DENND2A: variants seen among roughly 807,000 people sequenced by gnomAD.
DENND2A encodes DENN domain-containing protein 2A.
DENND2A carries 53 observed loss-of-function variants against 105.3 expected under a neutral mutation model. The ratio of observed to expected loss-of-function variants is 0.50; its 90% CI spans 0.40 to 0.63. The LOEUF is 0.63. Ranked by LOEUF, DENND2A falls within the 30% of genes least tolerant of loss-of-function variation. DENND2A has a pLI of 0.00. For synonymous variants in DENND2A, 522 were observed against 508.4 expected (o/e 1.03, Z -0.36); for missense variants, 1,138 against 1,279.6 (o/e 0.89, Z 1.69).
At chr7:140,529,949 A>G (rs1286632513) in intron 14 of DENND2A, among the ~76,000 whole-genome samples, 1 of 152,136 alleles carries the variant, frequency 6.6e-6, no homozygotes, top group Admixed American at 6.6e-5. Flanking sequence ...ATAATAAAAC[A>G]AAACAAAACA....
rs1383266176 is a variant in DENND2A at position 140,640,148 on chromosome 7, AGCGCGCACACACACACACGCGC to A, written c.-248+334_-248+355del. 2 of 150,680 alleles carry A rather than the reference AGCGCGCACACACACACACGCGC, an allele frequency of 1.3e-5. No individual in the cohort carries two copies. Among genetic ancestry groups the A allele is most frequent in the South Asian group, 2.1e-4 (1 of 4,812 alleles). The allele number at this position is 150,680 out of a possible 1,614,324, so 9.3% of individuals were successfully genotyped here. A position where few individuals can be genotyped will look rare whatever the true frequency, so the allele number is the denominator to read the frequency against. ...AGACACACTCACACACAGACACACA[AGCGCGCACACACACACACGCGC>A]GCGCGCGGACACACACACACTCACA... On this transcript the variant is annotated intron_variant, in intron 1 of 19. Coordinates refer to ENST00000496613, the MANE Select transcript of DENND2A (RefSeq NM_015689.5). The surrounding 1 kb of genome is among the most constrained non-coding windows in gnomAD (Gnocchi z 4.9).
At chr7:140,580,831 TTCA>T (rs1798511423) in intron 5 of DENND2A, among the ~76,000 whole-genome samples, 1 of 147,932 alleles carries the variant, frequency 6.8e-6, no homozygotes, top group Non-Finnish European at 1.5e-5. Context: ...GAGACGGGGT[TTCA>T]CCATGTTGGC....
At chr7:140,525,349 T>A (rs551398070) in intron 16 of DENND2A, among the ~76,000 whole-genome samples, 2 of 152,068 alleles carry the variant, frequency 1.3e-5, no homozygotes, top group East Asian at 3.9e-4. Flanking sequence ...GAGATGGGGT[T>A]TCACCATATT....
intron 1 of DENND2A, among the ~76,000 whole-genome samples, chr7:140,630,643 G>C (rs963750247): frequency 2.6e-5 from 4 of 151,998 alleles, no homozygotes; most frequent in South Asian, 4.2e-4. Flanking sequence ...TCAGGAGTTC[G>C]AGACCAAACT....
chr7:140,617,218 G>A lies in DENND2A; in HGVS notation c.-247-11412C>T, dbSNP rs183090111. Among the ~76,000 whole-genome samples the A allele has an allele frequency of 7.2e-5, 11 of 152,302 alleles. No individual in the cohort carries two copies. In the East Asian group the frequency reaches 1.2e-3, roughly 16 times the overall value. On this transcript the variant is annotated intron_variant, in intron 1 of 19. Transcript: ENST00000496613. Reference sequence around the variant, plus strand: ...TTTCAGAGCATCTTGGGAATCTGACGCAGGTGCTACCAGCACAAAGTGCGT... The same window carrying A: ...TTTCAGAGCATCTTGGGAATCTGACACAGGTGCTACCAGCACAAAGTGCGT...
chr7:140,565,499 T>G (rs1186205030), intron 9 of DENND2A, among the ~76,000 whole-genome samples: 1 of 152,166 alleles, frequency 6.6e-6, no homozygotes, highest in Non-Finnish European at 1.5e-5. Context: ...TAGAATATGG[T>G]GGAACCTCTT....
chr7:140,587,808 A>G (rs1196302837), intron 3 of DENND2A, 28 bp from the exon 4 acceptor site: 3 of 1,525,260 alleles, frequency 2.0e-6, no homozygotes, highest in African/African-American at 2.8e-5. Context: ...GGAGGAAAAA[A>G]CAAAGAATTT....
intron 14 of DENND2A, among the ~76,000 whole-genome samples, chr7:140,531,245 T>C (rs1381303562): frequency 6.6e-6 from 1 of 152,240 alleles, no homozygotes; most frequent in African/African-American, 2.4e-5. Context: ...AGGACTAATC[T>C]ATGTTGATGC....
At chr7:140,631,064 C>T (rs140334693) in intron 1 of DENND2A, among the ~76,000 whole-genome samples, 17 of 152,220 alleles carry the variant, frequency 1.1e-4, no homozygotes, top group Admixed American at 2.0e-4. Flanking sequence ...TTCATCACTG[C>T]ACCCATTTTA....
At chr7:140,568,994 G>A (rs1161296344) in intron 7 of DENND2A, among the ~76,000 whole-genome samples, 181 bp from the exon 8 acceptor site, 1 of 151,590 alleles carries the variant, frequency 6.6e-6, no homozygotes, top group Admixed American at 6.6e-5. Context: ...GCGCAATCTC[G>A]GCTCACTGCA....
chr7:140,583,236 G>A (rs1024070503), intron 5 of DENND2A, among the ~76,000 whole-genome samples: 2 of 152,038 alleles, frequency 1.3e-5, no homozygotes, highest in African/African-American at 2.4e-5. Context: ...GTGAACCCGG[G>A]AGGTGGAGCT....
At chr7:140,556,673 C>A (rs1012395401) in intron 11 of DENND2A, among the ~76,000 whole-genome samples, 1 of 152,170 alleles carries the variant, frequency 6.6e-6, no homozygotes, top group Non-Finnish European at 1.5e-5. Flanking sequence ...GTAATTTGAT[C>A]AACAAAATTA....
chr7:140,589,843 G>C (rs1036189858), intron 3 of DENND2A, among the ~76,000 whole-genome samples: 2 of 152,090 alleles, frequency 1.3e-5, no homozygotes, highest in African/African-American at 4.8e-5. Flanking sequence ...TGCCCAGGCT[G>C]GTCTCAAACT....
chr7:140,542,409 G>T (rs1045510781), intron 14 of DENND2A, among the ~76,000 whole-genome samples: 23 of 152,070 alleles, frequency 1.5e-4, no homozygotes, highest in Non-Finnish European at 2.9e-4. Context: ...TAACGGTGAG[G>T]AGGGATGCCC....
intron 13 of DENND2A, among the ~76,000 whole-genome samples, chr7:140,546,580 T>C (rs943950119): frequency 6.6e-6 from 1 of 152,220 alleles, no homozygotes; most frequent in African/African-American, 2.4e-5. Flanking sequence ...ACACCCCAGC[T>C]GCCATAGCAT....
intron 14 of DENND2A, among the ~76,000 whole-genome samples, chr7:140,534,375 G>A (rs1585569153): frequency 6.6e-6 from 1 of 152,152 alleles, no homozygotes; most frequent in East Asian, 1.9e-4. Flanking sequence ...GAGCCACCAC[G>A]CCCAGCCCAC....
chr7:140,598,574 A>G (rs1022882962), intron 3 of DENND2A, among the ~76,000 whole-genome samples: 2 of 152,178 alleles, frequency 1.3e-5, no homozygotes, highest in Non-Finnish European at 2.9e-5. Flanking sequence ...CTAACAGACT[A>G]TTAGAAATAA....
intron 1 of DENND2A, among the ~76,000 whole-genome samples, chr7:140,636,295 G>A (rs1306088317): frequency 6.6e-6 from 1 of 152,152 alleles, no homozygotes; most frequent in Non-Finnish European, 1.5e-5. Flanking sequence ...ATCTCTCCAA[G>A]AAAGAGCAAT....
intron 12 of DENND2A, among the ~76,000 whole-genome samples, chr7:140,552,467 C>T (rs1383391571): frequency 6.6e-6 from 1 of 151,860 alleles, no homozygotes; most frequent in East Asian, 1.9e-4. Flanking sequence ...GAACATGACT[C>T]GCTGCAGCCT....
Sources: gnomAD v4.1 joint callset for allele counts (sites outside exome capture counted in the v4.1 genomes callset) on GRCh38, gnomAD v4.1.1 for gene constraint, Gnocchi (gnomAD v3.1) non-coding constraint, MANE v1.5 for transcripts, NCBI Gene and HGNC (gene_info 2026-07-23, HGNC 2026-07-21) for gene names.